ETV1: variants seen among roughly 807,000 people sequenced by gnomAD.
ETV1 encodes ETS translocation variant 1.
In ETV1, 27 loss-of-function variants were observed where a neutral mutation model predicts 62.3. The observed-to-expected ratio is 0.43, with a 90% CI of 0.32 to 0.60. ETV1 has a LOEUF of 0.60. Ranked by LOEUF, ETV1 falls within the 20% of genes least tolerant of loss-of-function variation. ETV1 has a pLI of 0.06. For synonymous variants in ETV1, 222 were observed against 199.6 expected, an observed-to-expected ratio of 1.11 and a Z score of -0.94; for missense variants, 605 against 605.8, an observed-to-expected ratio of 1.00 and a Z score of 0.01.
chr7:13,898,181 G>A (rs971689508), intron 13 of ETV1, among the ~76,000 whole-genome samples: 4 of 152,128 alleles, frequency 2.6e-5, no homozygotes, highest in Non-Finnish European at 5.9e-5. Flanking sequence ...AGTAACAGAA[G>A]TACTAACGTG....
At chr7:13,902,521 T>G (rs1360535292) in intron 12 of ETV1, among the ~76,000 whole-genome samples, 17 of 138,834 alleles carry the variant, frequency 1.2e-4, no homozygotes, top group East Asian at 2.2e-4. Flanking sequence ...GAAGCGGGGG[T>G]GGGGGCGCTG....
chr7:13,904,591 C>CCTAT (rs1782760463), intron 12 of ETV1, among the ~76,000 whole-genome samples: 1 of 151,938 alleles, frequency 6.6e-6, no homozygotes, highest in African/African-American at 2.4e-5. Context: ...AGTAATGTTC[C>CCTAT]CTATCTTAAC....
intron 9 of ETV1, among the ~76,000 whole-genome samples, chr7:13,915,126 T>A (rs527934314): frequency 1.1e-4 from 16 of 152,214 alleles, no homozygotes; most frequent in Admixed American, 2.0e-4. Flanking sequence ...TGATGTTGTA[T>A]TTTAATGTGG....
intron 11 of ETV1, among the ~76,000 whole-genome samples, chr7:13,908,284 T>G (rs1371228874): frequency 6.6e-6 from 1 of 152,168 alleles, no homozygotes. Flanking sequence ...TAAATATTAG[T>G]GTGACTTTGG....
intron 6 of ETV1, among the ~76,000 whole-genome samples, chr7:13,969,592 C>G (rs891213917): frequency 6.6e-6 from 1 of 152,156 alleles, no homozygotes; most frequent in East Asian, 1.9e-4. Flanking sequence ...CTTAGAGATA[C>G]AGAAGCCTAG....
chr7:13,899,839 G>A (rs1050813064), intron 13 of ETV1, among the ~76,000 whole-genome samples: 1 of 151,864 alleles, frequency 6.6e-6, no homozygotes, highest in Non-Finnish European at 1.5e-5. Context: ...TTTTTAAAAA[G>A]CTACTCTTGG....
intron 10 of ETV1, 27 bp downstream of exon 10, chr7:13,911,212 A>T: frequency 6.5e-7 from 1 of 1,543,464 alleles, no homozygotes; most frequent in South Asian, 1.1e-5. Flanking sequence ...CGGTATTTAC[A>T]CGGAATTTCA....
At chr7:13,898,301 G>C (rs886107742) in intron 13 of ETV1, among the ~76,000 whole-genome samples, 1 of 152,174 alleles carries the variant, frequency 6.6e-6, no homozygotes, top group Non-Finnish European at 1.5e-5. Context: ...TAGCTTTAGA[G>C]CTGTGCTTTC....
At chr7:13,949,004 T>C (rs1788487789) in intron 6 of ETV1, among the ~76,000 whole-genome samples, 1 of 152,184 alleles carries the variant, frequency 6.6e-6, no homozygotes, top group African/African-American at 2.4e-5. Context: ...TTATGTGCTT[T>C]GAGAAATTTC....
At chr7:13,965,842 G>C (rs944557315) in intron 6 of ETV1, among the ~76,000 whole-genome samples, 1 of 152,050 alleles carries the variant, frequency 6.6e-6, no homozygotes, top group African/African-American at 2.4e-5. Flanking sequence ...AGCAGATATT[G>C]GCACTCGTTT....
chr7:13,968,606 T>C (rs184748792), intron 6 of ETV1, among the ~76,000 whole-genome samples: 5 of 151,770 alleles, frequency 3.3e-5, no homozygotes, highest in African/African-American at 1.2e-4. Context: ...TACACCTACT[T>C]CCTATAAGGG....
intron 9 of ETV1, among the ~76,000 whole-genome samples, chr7:13,927,431 G>A (rs1330421052): frequency 6.6e-6 from 1 of 152,140 alleles, no homozygotes; most frequent in South Asian, 2.1e-4. Context: ...CAGCCTGGGC[G>A]ACAGGATGAA....
At chr7:13,931,782 C>T (rs752548648) in intron 8 of ETV1, 33 bp from the exon 9 acceptor site, 124 of 1,606,166 alleles carry the variant, frequency 7.7e-5, no homozygotes, top group African/African-American at 5.8e-4. Flanking sequence ...TCAGATGAAA[C>T]GGTAACATGG....
intron 13 of ETV1, among the ~76,000 whole-genome samples, chr7:13,899,429 T>A (rs193173473): frequency 6.6e-6 from 1 of 152,294 alleles, no homozygotes; most frequent in African/African-American, 2.4e-5. Flanking sequence ...AGCCAGCAAA[T>A]TCTAGGGCAC....
At position 13,894,154 on chromosome 7, in the gene ETV1, ATT is replaced by A. The variant is rs530800704; in HGVS notation, c.*1710_*1711del. On this transcript the variant is annotated 3_prime_UTR_variant, in exon 14 of 14. Coordinates refer to ENST00000430479, the MANE Select transcript of ETV1 (RefSeq NM_004956.5). Reference sequence around the variant, plus strand: ...GGTTTATTTTGACTTTGTGTTTAGAATTTTTTTTTTTTTTTGCTTTTTGCTAT... The same window carrying A: ...GGTTTATTTTGACTTTGTGTTTAGAATTTTTTTTTTTTTGCTTTTTGCTAT... 587 of 215,238 alleles carry A rather than the reference ATT, an allele frequency of 2.7e-3. No individual in the cohort carries two copies. Among genetic ancestry groups the A allele is most frequent in the Middle Eastern group, 8.2e-3 (6 of 728 alleles). 13.3% of individuals were successfully genotyped at this position (215,238 alleles called of 1,614,324 possible).
At chr7:13,950,985 G>A (rs1011425401) in intron 6 of ETV1, among the ~76,000 whole-genome samples, 7 of 148,142 alleles carry the variant, frequency 4.7e-5, no homozygotes, top group Non-Finnish European at 8.9e-5. Flanking sequence ...TGAAAAACAG[G>A]TCAGGAGTTG....
chr7:13,967,212 G>T (rs1320207242), intron 6 of ETV1, among the ~76,000 whole-genome samples: 1 of 151,798 alleles, frequency 6.6e-6, no homozygotes, highest in Non-Finnish European at 1.5e-5. Context: ...ATAATTAAAG[G>T]GTCCATCACA....
chr7:13,982,490 A>G (rs1050232043), intron 5 of ETV1, among the ~76,000 whole-genome samples: 1 of 152,026 alleles, frequency 6.6e-6, no homozygotes, highest in Non-Finnish European at 1.5e-5. Flanking sequence ...ACATTTATGC[A>G]ATTCCAATGA....
At chr7:13,958,525 C>T (rs139200172) in intron 6 of ETV1, among the ~76,000 whole-genome samples, 1 of 152,144 alleles carries the variant, frequency 6.6e-6, no homozygotes, top group African/African-American at 2.4e-5. Flanking sequence ...AGTAAGCACA[C>T]ATGTATTAAA....
Sources: gnomAD v4.1 joint callset for allele counts (sites outside exome capture counted in the v4.1 genomes callset) on GRCh38, gnomAD v4.1.1 for gene constraint, MANE v1.5 for transcripts, NCBI Gene and HGNC (gene_info 2026-07-23, HGNC 2026-07-21) for gene names.